Variants in SIM1 observed in about 807,000 individuals in gnomAD.
The protein encoded by SIM1 is SIM bHLH transcription factor 1, also known as single-minded homolog 1.
A neutral mutation model predicts 78.2 loss-of-function variants in SIM1; 18 were observed. That is an observed-to-expected ratio of 0.23 (90% CI 0.16 to 0.34). The LOEUF is 0.34. SIM1 is among the 10% of genes least tolerant of loss of function. The pLI is 1.00. For missense variants in SIM1, 939 were observed against 975.1 expected (o/e 0.96, Z 0.49); for synonymous variants, 417 against 385.2 (o/e 1.08, Z -0.97).
At chr6:100,454,115 G>GA (rs1405211143) in intron 2 of SIM1, among the ~76,000 whole-genome samples, 1 of 152,204 alleles carries the variant, frequency 6.6e-6, no homozygotes, top group Non-Finnish European at 1.5e-5. Flanking sequence ...CCCAGGCTCG[G>GA]AAAAAGCCTC....
intron 9 of SIM1, among the ~76,000 whole-genome samples, chr6:100,446,673 C>T (rs1772363654): frequency 6.6e-6 from 1 of 152,220 alleles, no homozygotes; most frequent in Non-Finnish European, 1.5e-5. Context: ...GCTCCTCACT[C>T]AGTGAAGCAA....
Position 100,453,781 on chromosome 6 carries a change from A to G in SIM1, c.239T>C (p.Leu80Pro). 1 of 1,611,802 alleles carries G rather than the reference A, an allele frequency of 6.2e-7. No individual in the cohort carries two copies. The highest frequency in any genetic ancestry group is 8.5e-7 in the Non-Finnish European group (1 of 1,178,958). Reference sequence around the variant, plus strand: ...CTGTACCTGGAGCAGATGGGAGCCCAGTTCTCGGCCAACGTTGTCCAGGGG... The same window carrying G: ...CTGTACCTGGAGCAGATGGGAGCCCGGTTCTCGGCCAACGTTGTCCAGGGG... The part of the protein sequence containing the change: ...TSPLDNVGRE[L>P]GSHLLQTLDG... Residue 80 changes from leucine to proline, a missense_variant, in exon 3 of 12, where the codon CTG (leucine) becomes CCG (proline). Leu to Pro is a moderately conservative substitution (Grantham distance 98). This residue lies in a region of SIM1 where 121 missense variants were observed against 124.6 expected (regional missense o/e 0.97). Coordinates refer to ENST00000369208, the MANE Select transcript of SIM1 (RefSeq NM_005068.3).
intron 2 of SIM1, among the ~76,000 whole-genome samples, chr6:100,458,022 CT>C (rs1772725686): frequency 4.2e-5 from 1 of 23,912 alleles, no homozygotes; most frequent in African/African-American, 1.2e-4. Context: ...CTCTCTCTCT[CT>C]CTCTCTCTCT....
At chr6:100,453,888 T>C in intron 2 of SIM1, 44 bp from the exon 3 acceptor site, 2 of 1,495,060 alleles carry the variant, frequency 1.3e-6, no homozygotes, top group Non-Finnish European at 1.8e-6. Context: ...AACCCGGACC[T>C]GACAGGCAGT....
intron 2 of SIM1, among the ~76,000 whole-genome samples, chr6:100,456,137 G>T (rs1772649174): frequency 6.6e-6 from 1 of 151,992 alleles, no homozygotes; most frequent in Non-Finnish European, 1.5e-5. Context: ...ATTGTGTCTG[G>T]GTTAATGTTT....
At position 100,463,645 on chromosome 6, in the gene SIM1, G is replaced by A. The variant is rs369876684; in HGVS notation, c.-177C>T. 8.8e-6 allele frequency: 5 copies of A among 570,038 alleles called. No homozygotes were observed. The highest frequency in any genetic ancestry group is 6.1e-6 in the Non-Finnish European group (2 of 326,962). The allele number at this position is 570,038 out of a possible 1,614,324, so 35.3% of individuals were successfully genotyped here. Reference sequence around the variant, plus strand: ...TGATGGCAGTAAAAGACCAGCGGGGGTGAACGGAAAATATGTTCTTTGAAA... The same window carrying A: ...TGATGGCAGTAAAAGACCAGCGGGGATGAACGGAAAATATGTTCTTTGAAA... On this transcript the variant is annotated 5_prime_UTR_variant, in exon 2 of 12. Transcript: ENST00000369208.
chr6:100,418,037 T>C (rs941071953), intron 10 of SIM1, among the ~76,000 whole-genome samples: 1 of 152,148 alleles, frequency 6.6e-6, no homozygotes, highest in African/African-American at 2.4e-5. Flanking sequence ...CATGTGCATT[T>C]CATAGAACAT....
chr6:100,447,886 G>C (rs900406387), intron 8 of SIM1, among the ~76,000 whole-genome samples: 3 of 152,268 alleles, frequency 2.0e-5, no homozygotes, highest in Non-Finnish European at 2.9e-5. Flanking sequence ...CAATAGGAGA[G>C]TAATATACCT....
At chr6:100,429,234 G>T (rs1332491262) in intron 9 of SIM1, among the ~76,000 whole-genome samples, 1 of 152,110 alleles carries the variant, frequency 6.6e-6, no homozygotes, top group African/African-American at 2.4e-5. Flanking sequence ...GCCTGGCGTG[G>T]TGGCACATGC....
intron 10 of SIM1, among the ~76,000 whole-genome samples, chr6:100,400,612 C>T (rs570402082): frequency 5.9e-5 from 9 of 152,150 alleles, no homozygotes; most frequent in South Asian, 2.1e-4. Flanking sequence ...ATGATAGGGA[C>T]ATGTCAAAAT....
rs1029968837 is a variant in SIM1, at chr6:100,390,233, G to A, written c.*128C>T. On this transcript the variant is annotated 3_prime_UTR_variant, in exon 12 of 12. Coordinates refer to ENST00000369208, the MANE Select transcript of SIM1 (RefSeq NM_005068.3). ...GTTTTCTTTGATTTTATAGGAACAC[G>A]TATCAAATACCCAGTAACTTAAGTT... 9 of 1,001,990 alleles carry A rather than the reference G, an allele frequency of 9.0e-6. No individual in the cohort carries two copies. The highest frequency in any genetic ancestry group is 4.9e-5 in the South Asian group (3 of 60,822). The allele number at this position is 1,001,990 out of a possible 1,614,324, so 62.1% of individuals were successfully genotyped here. A position where few individuals can be genotyped will look rare whatever the true frequency, so the allele number is the denominator to read the frequency against.
At chr6:100,419,929 C>T (rs1246765466) in intron 10 of SIM1, among the ~76,000 whole-genome samples, 1 of 152,154 alleles carries the variant, frequency 6.6e-6, no homozygotes, top group Non-Finnish European at 1.5e-5. Context: ...GCACAAGTCA[C>T]CGTGCCCAGC....
intron 8 of SIM1, 133 bp from the exon 9 acceptor site, chr6:100,447,548 G>A: frequency 1.0e-6 from 1 of 968,600 alleles, no homozygotes; most frequent in South Asian, 1.6e-5. Flanking sequence ...GAGAGAGAGA[G>A]ACGACAGGCA....
At chr6:100,447,551 G>T (rs897270053) in intron 8 of SIM1, 136 bp from the exon 9 acceptor site, 3 of 946,614 alleles carry the variant, frequency 3.2e-6, no homozygotes, top group African/African-American at 1.7e-5. Flanking sequence ...AGAGAGAGAC[G>T]ACAGGCAAAT....
chr6:100,447,207 G>T (rs1333787089), intron 9 of SIM1, 61 bp downstream of exon 9: 22 of 1,558,566 alleles, frequency 1.4e-5, no homozygotes, highest in East Asian at 9.1e-5. Flanking sequence ...GCCGCCACCC[G>T]CACTCTCGCA....
chr6:100,443,983 T>C (rs1772285725), intron 9 of SIM1, among the ~76,000 whole-genome samples: 1 of 152,136 alleles, frequency 6.6e-6, no homozygotes, highest in African/African-American at 2.4e-5. Flanking sequence ...TTTTATACTC[T>C]AGTGGGTTAT....
At chr6:100,440,481 A>G (rs891537914) in intron 9 of SIM1, among the ~76,000 whole-genome samples, 2 of 152,228 alleles carry the variant, frequency 1.3e-5, no homozygotes, top group African/African-American at 2.4e-5. Context: ...ATGCCCCACA[A>G]AGTAACTTCT....
chr6:100,455,050 G>A (rs1209253046), intron 2 of SIM1, among the ~76,000 whole-genome samples: 1 of 151,976 alleles, frequency 6.6e-6, no homozygotes, highest in African/African-American at 2.4e-5. Flanking sequence ...ATGAACACTC[G>A]CCTTGTAATA....
rs752857981 is a variant in SIM1 at position 100,449,455 on chromosome 6, G to A, written c.458-7C>T. On this transcript the variant is annotated splice_region_variant and splice_polypyrimidine_tract_variant and intron_variant, in intron 5 of 11. Coordinates refer to ENST00000369208, the MANE Select transcript of SIM1 (RefSeq NM_005068.3). ...GAGCGCTCGATCTCATACTCTGGGA[G>A]AGAGGAACGAAGGGAAGCTCAGGTC... 6.2e-7 allele frequency: 1 copy of A among 1,612,822 alleles called. No individual in the cohort carries two copies. The highest frequency in any genetic ancestry group is 1.7e-5 in the Admixed American group (1 of 60,012).
Sources: allele counts gnomAD v4.1 joint callset (sites outside exome capture counted in the v4.1 genomes callset), GRCh38; gene constraint gnomAD v4.1.1; regional missense constraint gnomAD v4.1.1; transcripts MANE v1.5; gene names NCBI Gene and HGNC (gene_info 2026-07-23, HGNC 2026-07-21).